Variants in SLX4IP observed in about 807,000 individuals in gnomAD.
The protein encoded by SLX4IP is SLX4 interacting protein, also known as protein SLX4IP.
In SLX4IP, 34 loss-of-function variants were observed where a neutral mutation model predicts 32.9. The observed-to-expected ratio is 1.03, with a 90% CI of 0.79 to 1.38. The LOEUF is 1.38. Among genes scored for constraint, SLX4IP ranks in the 40% most tolerant of loss-of-function variants. SLX4IP has a pLI of 0.00. For missense variants in SLX4IP, 444 were observed against 479.0 expected (o/e 0.93, Z 0.68); for synonymous variants, 172 against 171.7 (o/e 1.00, Z -0.01).
intron 6 of SLX4IP, among the ~76,000 whole-genome samples, chr20:10,615,055 T>A (rs536025136): frequency 6.6e-6 from 1 of 152,256 alleles, no homozygotes; most frequent in Admixed American, 6.5e-5. Flanking sequence ...AATTTCACCT[T>A]TAAAGGTGTC....
chr20:10,459,333 G>T (rs969408829), intron 2 of SLX4IP, among the ~76,000 whole-genome samples: 1 of 152,160 alleles, frequency 6.6e-6, no homozygotes, highest in Admixed American at 6.5e-5. Flanking sequence ...TGTGATGATA[G>T]TTTCTTTTGC....
intron 2 of SLX4IP, among the ~76,000 whole-genome samples, chr20:10,470,704 G>A (rs1306132838): frequency 6.6e-6 from 1 of 152,190 alleles, no homozygotes; most frequent in Admixed American, 6.5e-5. Context: ...GGTAAGGTAT[G>A]TACCAGGTCT....
rs752669518 is a variant in SLX4IP, at chr20:10,622,772, A to G, written c.620A>G (p.Asp207Gly). The G allele has an allele frequency of 6.2e-7, 1 of 1,614,210 alleles. No homozygotes were observed. The highest frequency in any genetic ancestry group is 8.5e-7 in the Non-Finnish European group (1 of 1,180,034). ...VIAEIARRRN[D>G]GQASSSPPSE... ...GCAGAGATAGCAAGGAGGAGGAATG[A>G]TGGTCAGGCTTCCTCCAGTCCCCCA... Residue 207 changes from aspartate to glycine, a missense_variant, in exon 8 of 8, where the codon GAT becomes GGT. Coordinates refer to ENST00000334534, the MANE Select transcript of SLX4IP (RefSeq NM_001009608.3).
At chr20:10,520,419 T>C (rs958444257) in intron 2 of SLX4IP, among the ~76,000 whole-genome samples, 7 of 152,274 alleles carry the variant, frequency 4.6e-5, no homozygotes, top group Middle Eastern at 3.2e-3. Flanking sequence ...TTATATATTC[T>C]GATCAGGTAT....
At chr20:10,560,596 A>G in intron 3 of SLX4IP, 104 bp from the exon 4 acceptor site, 1 of 937,394 alleles carries the variant, frequency 1.1e-6, no homozygotes, top group East Asian at 3.1e-5. Flanking sequence ...CAGCTAAATT[A>G]AAAAGCAAAA....
At chr20:10,606,482 T>G (rs536683755) in intron 6 of SLX4IP, among the ~76,000 whole-genome samples, 1 of 152,346 alleles carries the variant, frequency 6.6e-6, no homozygotes, top group East Asian at 1.9e-4. Context: ...ATTTTTCTTA[T>G]TTCTAAACAA....
chr20:10,574,485 C>A (rs2122518145), intron 4 of SLX4IP, among the ~76,000 whole-genome samples: 1 of 152,248 alleles, frequency 6.6e-6, no homozygotes, highest in African/African-American at 2.4e-5. Flanking sequence ...TGTTCTGCTT[C>A]AAATTACAAT....
intron 2 of SLX4IP, among the ~76,000 whole-genome samples, chr20:10,535,249 A>G (rs2066029707): frequency 6.6e-6 from 1 of 152,174 alleles, no homozygotes; most frequent in Admixed American, 6.5e-5. Flanking sequence ...TTGAGGTCTC[A>G]GAATTGGATA....
In SLX4IP at chr20:10,583,405, ATTATCTTTATCATAGAAGAAC is replaced by A. The variant is rs1208976424; in HGVS notation, c.239-15269_239-15249del. Among the ~76,000 whole-genome samples, 4 of 152,276 alleles carry A rather than the reference ATTATCTTTATCATAGAAGAAC, an allele frequency of 2.6e-5. No homozygotes were observed. In the East Asian group the frequency reaches 7.7e-4, roughly 29 times the overall value. Reference sequence around the variant, plus strand: ...TGTACACATTCATTGCACTCGGTTGATTATCTTTATCATAGAAGAACACCTCCTTTAACCTGTAGGAACCCT... The same window carrying A: ...TGTACACATTCATTGCACTCGGTTGAACCTCCTTTAACCTGTAGGAACCCT... On this transcript the variant is annotated intron_variant, in intron 4 of 7. Coordinates refer to ENST00000334534, the MANE Select transcript of SLX4IP (RefSeq NM_001009608.3).
intron 2 of SLX4IP, among the ~76,000 whole-genome samples, chr20:10,482,632 G>A (rs537210671): frequency 8.5e-5 from 13 of 152,184 alleles, no homozygotes; most frequent in African/African-American, 2.9e-4. Context: ...GGGAGAGTGG[G>A]GTAGGGTGAG....
intron 2 of SLX4IP, among the ~76,000 whole-genome samples, chr20:10,512,845 C>G (rs973512455): frequency 3.1e-5 from 4 of 130,446 alleles, no homozygotes; most frequent in African/African-American, 3.1e-5. Flanking sequence ...ATTGCCTAGG[C>G]TGGTCTTGAA....
intron 4 of SLX4IP, among the ~76,000 whole-genome samples, chr20:10,580,633 T>G (rs1370511836): frequency 6.6e-6 from 1 of 151,878 alleles, no homozygotes; most frequent in Non-Finnish European, 1.5e-5. Flanking sequence ...GAGCAGAGCA[T>G]TTTTCTTGAT....
At chr20:10,596,357 G>A (rs2066771319) in intron 4 of SLX4IP, among the ~76,000 whole-genome samples, 1 of 151,944 alleles carries the variant, frequency 6.6e-6, no homozygotes, top group Non-Finnish European at 1.5e-5. Flanking sequence ...TGAGCAGCTG[G>A]GACTACAGGC....
At chr20:10,499,027 C>T (rs1682423350) in intron 2 of SLX4IP, among the ~76,000 whole-genome samples, 2 of 152,076 alleles carry the variant, frequency 1.3e-5, no homozygotes, top group Admixed American at 6.6e-5. Flanking sequence ...AATATCTCTA[C>T]TCCCTACTTT....
At chr20:10,610,182 A>G (rs1328617416) in intron 6 of SLX4IP, among the ~76,000 whole-genome samples, 4 of 152,128 alleles carry the variant, frequency 2.6e-5, no homozygotes, top group Admixed American at 6.5e-5. Context: ...TGTGAAATGT[A>G]TACTTCCTGC....
chr20:10,462,506 A>G (rs895610507), intron 2 of SLX4IP, among the ~76,000 whole-genome samples: 1 of 152,254 alleles, frequency 6.6e-6, no homozygotes, highest in Middle Eastern at 3.2e-3. Context: ...CAGTAGAACA[A>G]TACCTTTAAT....
rs1442160432 is a variant in SLX4IP at position 10,599,177 on chromosome 20, T to G, written c.316+425T>G. 7.2e-5 allele frequency among the ~76,000 whole-genome samples: 11 copies of G among 152,246 alleles called. No homozygotes were observed. The East Asian group carries it at 2.1e-3, about 29-fold the overall frequency. On this transcript the variant is annotated intron_variant, in intron 5 of 7. Coordinates refer to ENST00000334534, the MANE Select transcript of SLX4IP (RefSeq NM_001009608.3). ...CCCCCATCACTTCCCCAAGTCTAGATGTCCACTAAGGATATGATTTCAAAC... is the reference window on the plus strand; with the variant it reads ...CCCCCATCACTTCCCCAAGTCTAGAGGTCCACTAAGGATATGATTTCAAAC...
chr20:10,448,851 T>C (rs951551107), intron 1 of SLX4IP, among the ~76,000 whole-genome samples: 1 of 152,202 alleles, frequency 6.6e-6, no homozygotes, highest in Non-Finnish European at 1.5e-5. Flanking sequence ...TTCAGTATAT[T>C]TTTGGAAAAT....
At chr20:10,557,667 G>A (rs1429812085) in intron 3 of SLX4IP, among the ~76,000 whole-genome samples, 1 of 152,210 alleles carries the variant, frequency 6.6e-6, no homozygotes, top group African/African-American at 2.4e-5. Flanking sequence ...TTCCAGGCCT[G>A]TTCTCCATTC....
Sources: gnomAD v4.1 joint callset for allele counts (sites outside exome capture counted in the v4.1 genomes callset) on GRCh38, gnomAD v4.1.1 for gene constraint, MANE v1.5 for transcripts, NCBI Gene and HGNC (gene_info 2026-07-23, HGNC 2026-07-21) for gene names.